ALK: variants seen among roughly 807,000 people sequenced by gnomAD.
The protein encoded by ALK is ALK tyrosine kinase receptor.
In ALK, 74 loss-of-function variants were observed where a neutral mutation model predicts 163.1. The observed-to-expected ratio is 0.45, with a 90% CI of 0.38 to 0.55. ALK has a LOEUF of 0.55. Among genes scored for constraint, ALK ranks in the 20% least tolerant of loss-of-function variants. ALK has a pLI of 0.00. For synonymous variants in ALK, 960 were observed against 843.2 expected (o/e 1.14, Z -2.40); for missense variants, 2,063 against 2,105.3 (o/e 0.98, Z 0.39).
intron 22 of ALK, chr2:29,221,306 A>G: frequency 2.0e-6 from 1 of 490,096 alleles, no homozygotes; most frequent in Non-Finnish European, 4.1e-6. Context: ...TCACGAGTCT[A>G]TCAGTTTCCC....
chr2:29,631,894 C>T (rs1676387484), intron 3 of ALK, among the ~76,000 whole-genome samples: 1 of 152,200 alleles, frequency 6.6e-6, no homozygotes, highest in East Asian at 1.9e-4. Flanking sequence ...TACCATATGA[C>T]AGCTATGTAT....
At chr2:29,297,171 G>T in intron 8 of ALK, 114 bp from the exon 9 acceptor site, 3 of 1,231,552 alleles carry the variant, frequency 2.4e-6, no homozygotes, top group Non-Finnish European at 3.5e-6. Context: ...AGTTCAGCCT[G>T]GTGAGAAGAG....
chr2:29,816,597 G>A (rs1361015872), intron 1 of ALK, among the ~76,000 whole-genome samples: 4 of 152,190 alleles, frequency 2.6e-5, no homozygotes, highest in African/African-American at 9.7e-5. Context: ...GAAAGATGCC[G>A]ACAATAACAG....
chr2:29,592,928 C>T (rs557372044), intron 3 of ALK, among the ~76,000 whole-genome samples: 227 of 152,222 alleles, frequency 1.5e-3, no homozygotes, highest in African/African-American at 4.3e-3. Context: ...AGAATGGCCC[C>T]GCTGCAACTT....
chr2:29,310,107 G>C (rs140526331), intron 8 of ALK, among the ~76,000 whole-genome samples: 1 of 152,250 alleles, frequency 6.6e-6, no homozygotes, highest in African/African-American at 2.4e-5. Flanking sequence ...ACTTGCTTGA[G>C]GTCATATGGC....
At chr2:29,234,573 A>G (rs920001739) in intron 13 of ALK, among the ~76,000 whole-genome samples, 17 of 152,010 alleles carry the variant, frequency 1.1e-4, no homozygotes, top group Non-Finnish European at 2.2e-4. Flanking sequence ...GAGCCCTGCA[A>G]TCAGGTAGTC....
chr2:29,572,159 G>T (rs1364827641), intron 3 of ALK, among the ~76,000 whole-genome samples: 1 of 152,166 alleles, frequency 6.6e-6, no homozygotes, highest in Non-Finnish European at 1.5e-5. Flanking sequence ...TTTCCAAATT[G>T]TGGCACTTGA....
chr2:29,781,681 C>G (rs1436387508), intron 1 of ALK, among the ~76,000 whole-genome samples: 1 of 152,166 alleles, frequency 6.6e-6, no homozygotes, highest in Non-Finnish European at 1.5e-5. Context: ...AGGTTGTAAG[C>G]CATAAAGTAG....
In ALK at chr2:29,906,617, A is replaced by G. The variant is rs558477928; in HGVS notation, c.667+13376T>C. 2.6e-5 allele frequency among the ~76,000 whole-genome samples: 4 copies of G among 152,330 alleles called. No individual in the cohort carries two copies. In the South Asian group the frequency reaches 8.3e-4, roughly 32 times the overall value. On this transcript the variant is annotated intron_variant, in intron 1 of 28. Coordinates refer to ENST00000389048, the MANE Select transcript of ALK (RefSeq NM_004304.5). ...AGAGAGATCATAGATGTGGAGTTAAACAGGCTGAAATTCAAATACCAGATC... is the reference window on the plus strand; with the variant it reads ...AGAGAGATCATAGATGTGGAGTTAAGCAGGCTGAAATTCAAATACCAGATC...
intron 3 of ALK, among the ~76,000 whole-genome samples, chr2:29,649,194 GTGTGAGAGAGAGTGTGTGTA>G (rs1462213747): frequency 6.7e-6 from 1 of 150,100 alleles, no homozygotes; most frequent in Non-Finnish European, 1.5e-5. Flanking sequence ...CAATGTGTGT[GTGTGAGAGAGAGTGTGTGTA>G]TGTGAGAGAG....
At chr2:29,812,600 A>C (rs901964531) in intron 1 of ALK, among the ~76,000 whole-genome samples, 1 of 152,196 alleles carries the variant, frequency 6.6e-6, no homozygotes, top group Admixed American at 6.5e-5. Flanking sequence ...ATTAAACTCC[A>C]TTTGCCTTTT....
chr2:29,569,002 G>A (rs540972491), intron 3 of ALK, among the ~76,000 whole-genome samples: 43 of 152,150 alleles, frequency 2.8e-4, no homozygotes, highest in Non-Finnish European at 5.7e-4. Context: ...TTTCTTTTCA[G>A]ACCTTAGCCT....
At chr2:29,482,984 C>T (rs574378479) in intron 4 of ALK, among the ~76,000 whole-genome samples, 1 of 152,288 alleles carries the variant, frequency 6.6e-6, no homozygotes, top group South Asian at 2.1e-4. Context: ...TTCTACTAGG[C>T]TATTCCTACG....
chr2:29,354,331 C>T (rs1205419054), intron 5 of ALK, among the ~76,000 whole-genome samples: 1 of 152,184 alleles, frequency 6.6e-6, no homozygotes, highest in African/African-American at 2.4e-5. Flanking sequence ...TGGCCAACAA[C>T]CTAAGATGCA....
At chr2:29,864,253 T>C (rs1666368805) in intron 1 of ALK, among the ~76,000 whole-genome samples, 1 of 152,168 alleles carries the variant, frequency 6.6e-6, no homozygotes, top group African/African-American at 2.4e-5. Flanking sequence ...AGCAGTCTAT[T>C]CCCTGTCTTG....
At chr2:29,725,712 C>CA (rs1679552987) in intron 1 of ALK, among the ~76,000 whole-genome samples, 1 of 151,672 alleles carries the variant, frequency 6.6e-6, no homozygotes, top group Non-Finnish European at 1.5e-5. Context: ...GGTTTGGTGT[C>CA]ATGTAGGACA....
intron 2 of ALK, among the ~76,000 whole-genome samples, chr2:29,704,974 T>A (rs1342694455): frequency 6.6e-6 from 1 of 151,758 alleles, no homozygotes; most frequent in Non-Finnish European, 1.5e-5. Context: ...TCCCAGCACT[T>A]TGGGAGGCCA....
At chr2:29,561,381 T>A (rs1382196938) in intron 3 of ALK, among the ~76,000 whole-genome samples, 1 of 152,194 alleles carries the variant, frequency 6.6e-6, no homozygotes, top group African/African-American at 2.4e-5. Flanking sequence ...AGTTTGTAGC[T>A]GTTTAGGCCC....
intron 5 of ALK, among the ~76,000 whole-genome samples, chr2:29,374,658 G>T (rs1379300725): frequency 6.6e-6 from 1 of 152,176 alleles, no homozygotes; most frequent in Non-Finnish European, 1.5e-5. Flanking sequence ...AAGGTGGAGG[G>T]TGCGCTGCAG....
Sources: allele counts gnomAD v4.1 joint callset (sites outside exome capture counted in the v4.1 genomes callset), GRCh38; gene constraint gnomAD v4.1.1; transcripts MANE v1.5; gene names NCBI Gene and HGNC (gene_info 2026-07-23, HGNC 2026-07-21).